ADAP2: variants seen among roughly 807,000 people sequenced by gnomAD.
ADAP2 encodes the protein arf-GAP with dual PH domain-containing protein 2.
Under a neutral mutation model 54.9 loss-of-function variants are expected in ADAP2, and 42 were observed. The ratio of observed to expected loss-of-function variants is 0.77; its 90% CI spans 0.60 to 0.99. The LOEUF (loss-of-function observed/expected upper bound fraction) is 0.99, where lower values mean the gene tolerates loss of function less well. Ranked by LOEUF, ADAP2 falls within the 50% of genes least tolerant of loss-of-function variation. ADAP2 has a pLI of 0.00. For synonymous variants in ADAP2, 177 were observed against 180.1 expected, an observed-to-expected ratio of 0.98 and a Z score of 0.14; for missense variants, 429 against 480.4, an observed-to-expected ratio of 0.89 and a Z score of 1.00.
chr17:30,929,998 T>C (rs923768126), intron 3 of ADAP2, among the ~76,000 whole-genome samples: 2 of 152,184 alleles, frequency 1.3e-5, no homozygotes, highest in Admixed American at 1.3e-4. Context: ...ATTACAGGCA[T>C]GAGTTACCAT....
intron 5 of ADAP2, among the ~76,000 whole-genome samples, chr17:30,942,849 A>G (rs1406875833): frequency 6.6e-6 from 1 of 152,212 alleles, no homozygotes; most frequent in East Asian, 1.9e-4. Flanking sequence ...CCACAATGAG[A>G]TACCATCTAT....
intron 2 of ADAP2, among the ~76,000 whole-genome samples, chr17:30,923,296 G>T (rs1268377106): frequency 7.0e-6 from 1 of 142,810 alleles, no homozygotes; most frequent in South Asian, 2.2e-4. Context: ...ACGGAGTCTC[G>T]CTGTGTTGTC....
intron 10 of ADAP2, among the ~76,000 whole-genome samples, chr17:30,957,192 C>G (rs1905139442): frequency 6.6e-6 from 1 of 152,144 alleles, no homozygotes; most frequent in African/African-American, 2.4e-5. Context: ...TCTTGACTGT[C>G]CCATAAAGGC....
chr17:30,946,016 A>G (rs1038823896), intron 6 of ADAP2, among the ~76,000 whole-genome samples: 3 of 151,148 alleles, frequency 2.0e-5, no homozygotes, highest in Admixed American at 2.0e-4. Context: ...TTGGCCGGGC[A>G]TGGTGGCAGG....
rs1011213915 is a variant in ADAP2, at chr17:30,957,964, C to T, written c.*95C>T. The T allele has an allele frequency of 1.9e-5, 23 of 1,191,954 alleles. No homozygotes were observed. Among genetic ancestry groups the T allele is most frequent in the African/African-American group, 6.0e-5 (4 of 66,312 alleles). 73.8% of individuals were successfully genotyped at this position (1,191,954 alleles called of 1,614,324 possible). On this transcript the variant is annotated 3_prime_UTR_variant, in exon 11 of 11. Transcript: ENST00000330889. Reference sequence around the variant, plus strand: ...CCCTGGCTGCCCACCATCAGTGCCCCGCAGTCAGCAGCCATTCCTGGCAGT... The same window carrying T: ...CCCTGGCTGCCCACCATCAGTGCCCTGCAGTCAGCAGCCATTCCTGGCAGT...
At chr17:30,929,810 C>T (rs1244910899) in intron 3 of ADAP2, among the ~76,000 whole-genome samples, 1 of 152,210 alleles carries the variant, frequency 6.6e-6, no homozygotes, top group Admixed American at 6.5e-5. Flanking sequence ...GATCCTCCCA[C>T]CTCAGCCTCC....
chr17:30,951,770 C>T (rs1194931423), intron 7 of ADAP2, among the ~76,000 whole-genome samples: 1 of 151,866 alleles, frequency 6.6e-6, no homozygotes, highest in African/African-American at 2.4e-5. Flanking sequence ...ATTCTCCTGC[C>T]TCAGCCTCCC....
At chr17:30,941,535 A>G (rs762279078) in intron 5 of ADAP2, among the ~76,000 whole-genome samples, 5 of 152,228 alleles carry the variant, frequency 3.3e-5, no homozygotes, top group African/African-American at 4.8e-5. Flanking sequence ...GCTGTTTTCA[A>G]GTTGATGTCG....
At position 30,922,944 on chromosome 17, in the gene ADAP2, C is replaced by T; in HGVS notation, c.99C>T (p.Pro33=). 1 of 1,613,792 alleles carries T rather than the reference C, an allele frequency of 6.2e-7. No homozygotes were observed. Among genetic ancestry groups the T allele is most frequent in the Non-Finnish European group, 8.5e-7 (1 of 1,179,938 alleles). The change falls in exon 2 of 11, where the codon CCC becomes CCT. Residue 33 remains proline (P), a synonymous_variant. Transcript: ENST00000330889. The part of the protein sequence containing the change: ...AHCADCGAAD[P]DWASYKLGIF... ...CTCCTGCCTCATCCCCTGCAGATCCCGACTGGGCCTCTTACAAGCTGGGGA... is the reference window on the plus strand; with the variant it reads ...CTCCTGCCTCATCCCCTGCAGATCCTGACTGGGCCTCTTACAAGCTGGGGA...
chr17:30,930,044 CCTTA>C (rs1567715537), intron 3 of ADAP2, among the ~76,000 whole-genome samples: 1 of 118,580 alleles, frequency 8.4e-6, no homozygotes, highest in Non-Finnish European at 2.0e-5. Context: ...GCGACAGAAA[CCTTA>C]TTTATTTATT....
At chr17:30,943,329 T>G (rs1912409434) in intron 5 of ADAP2, among the ~76,000 whole-genome samples, 1 of 149,662 alleles carries the variant, frequency 6.7e-6, no homozygotes, top group Non-Finnish European at 1.5e-5. Context: ...CACTCCATTG[T>G]ACTCCAGCCT....
intron 3 of ADAP2, among the ~76,000 whole-genome samples, chr17:30,930,174 C>T (rs534428150): frequency 1.8e-4 from 28 of 152,018 alleles, no homozygotes; most frequent in South Asian, 1.7e-3. Context: ...TGGGTTCAAG[C>T]GATTCTCCTG....
At chr17:30,927,077 T>C (rs1911111774) in intron 3 of ADAP2, among the ~76,000 whole-genome samples, 159 bp downstream of exon 3, 1 of 152,078 alleles carries the variant, frequency 6.6e-6, no homozygotes, top group Admixed American at 6.6e-5. Context: ...AGAGAGCACA[T>C]GGGAAGACTG....
intron 6 of ADAP2, among the ~76,000 whole-genome samples, chr17:30,947,677 A>T (rs1006914124): frequency 9.2e-5 from 14 of 152,308 alleles, no homozygotes; most frequent in African/African-American, 3.4e-4. Context: ...GAACCCCAGG[A>T]CAAGAGAGCA....
rs144212441 is a variant in ADAP2 at position 30,956,250 on chromosome 17, G to C, written c.892G>C (p.Glu298Gln). Reference sequence around the variant, plus strand: ...TACTCTCCATTTTCAGGATGCCTTCGAGCAGGGCCAGGTTTTTCTTGGGAA... The same window carrying C: ...TACTCTCCATTTTCAGGATGCCTTCCAGCAGGGCCAGGTTTTTCTTGGGAA... ...LYYKNPLDAFEQGQVFLGNKE... is the reference protein window; with the variant it reads ...LYYKNPLDAFQQGQVFLGNKE... Residue 298 changes from glutamate (E) to glutamine (Q), a missense_variant, in exon 10 of 11, where the codon GAG becomes CAG. Physicochemically the swap from Glu to Gln is conservative, Grantham distance 29 (BLOSUM62 2). Coordinates refer to ENST00000330889, the MANE Select transcript of ADAP2 (RefSeq NM_018404.3). The C allele has an allele frequency of 6.2e-7, 1 of 1,614,088 alleles. No individual in the cohort carries two copies. Among genetic ancestry groups the C allele is most frequent in the Non-Finnish European group, 8.5e-7 (1 of 1,180,014 alleles).
At chr17:30,942,039 G>T (rs138469919) in intron 5 of ADAP2, among the ~76,000 whole-genome samples, 2 of 151,888 alleles carry the variant, frequency 1.3e-5, no homozygotes, top group African/African-American at 4.8e-5. Context: ...ACTAGTAGCT[G>T]GGACTACAGG....
intron 4 of ADAP2, 57 bp from the exon 5 acceptor site, chr17:30,934,128 G>A: frequency 2.9e-6 from 4 of 1,385,190 alleles, no homozygotes; most frequent in South Asian, 2.4e-5. Context: ...AGGTTCCTGA[G>A]CTGCTTGTGA....
chr17:30,922,122 G>C lies in ADAP2; in HGVS notation c.94+14G>C. ...GCGGGGCGGCAGGTAAGGGCGCGGCGGCGCGGGCAGCGCGAGACCCCCGGC... is the reference window on the plus strand; with the variant it reads ...GCGGGGCGGCAGGTAAGGGCGCGGCCGCGCGGGCAGCGCGAGACCCCCGGC... On this transcript the variant is annotated intron_variant, in intron 1 of 10. Transcript: ENST00000330889. 8.1e-7 allele frequency: 1 copy of C among 1,235,006 alleles called. No homozygotes were observed. Among genetic ancestry groups the C allele is most frequent in the South Asian group, 3.6e-5 (1 of 28,014 alleles). The allele number at this position is 1,235,006 out of a possible 1,614,324, so 76.5% of individuals were successfully genotyped here.
At chr17:30,932,273 T>G (rs1295825070) in intron 4 of ADAP2, among the ~76,000 whole-genome samples, 2 of 149,348 alleles carry the variant, frequency 1.3e-5, no homozygotes, top group African/African-American at 2.5e-5. Flanking sequence ...TACTCTGTTG[T>G]CCAGCCTGGA....
Sources: allele counts gnomAD v4.1 joint callset (sites outside exome capture counted in the v4.1 genomes callset), GRCh38; gene constraint gnomAD v4.1.1; transcripts MANE v1.5; gene names NCBI Gene and HGNC (gene_info 2026-07-23, HGNC 2026-07-21).